Variants in DOCK9 observed in about 807,000 individuals in gnomAD.
DOCK9 encodes the protein dedicator of cytokinesis protein 9.
DOCK9 carries 89 observed loss-of-function variants against 263.3 expected under a neutral mutation model. The observed-to-expected ratio is 0.34, with a 90% CI of 0.28 to 0.40. The LOEUF (loss-of-function observed/expected upper bound fraction) is 0.40, where lower values mean the gene tolerates loss of function less well. Among genes scored for constraint, DOCK9 ranks in the 10% least tolerant of loss-of-function variants. The probability of loss-of-function intolerance (pLI) is 1.00; values close to 1 mark genes in which losing one functional copy is unlikely to be tolerated. For missense variants in DOCK9, 2,140 were observed against 2,603.4 expected (o/e 0.82, Z 3.87); for synonymous variants, 976 against 973.1 (o/e 1.00, Z -0.06).
At chr13:98,966,610 G>T (rs9517514) in intron 1 of DOCK9, among the ~76,000 whole-genome samples, 81,209 of 152,056 alleles carry the variant, frequency 0.53, 21,914 homozygotes, top group East Asian at 0.75. Flanking sequence ...GGCAAGTAAT[G>T]AAGCTAAAAG....
At chr13:99,015,946 C>A in intron 1 of DOCK9, 1 of 250,808 alleles carries the variant, frequency 4.0e-6, no homozygotes. Context: ...TGTGGCTCTA[C>A]TGGAAAACTG....
Position 98,829,661 on chromosome 13 carries a change from G to A in DOCK9, c.4731C>T (p.Asn1577=). ...TACCCACCTTAATAAGCCGGTCACT[G>A]TTGGCACAGTTGTTGATGATGGACA... ...QSLSIINNCA[N]SDRLIKHTSF... Residue 1577 remains asparagine (N), a synonymous_variant, in exon 42 of 53, where the codon AAC becomes AAT. Coordinates refer to ENST00000682017, the MANE Select transcript of DOCK9 (RefSeq NM_001366683.2). The surrounding 1 kb of genome is among the most constrained non-coding windows in gnomAD (Gnocchi z 4.1). 6.2e-7 allele frequency: 1 copy of A among 1,606,760 alleles called. No individual in the cohort carries two copies. Among genetic ancestry groups the A allele is most frequent in the Non-Finnish European group, 8.5e-7 (1 of 1,176,464 alleles).
At chr13:98,919,200 C>T (rs2051432672) in intron 7 of DOCK9, among the ~76,000 whole-genome samples, 1 of 151,800 alleles carries the variant, frequency 6.6e-6, no homozygotes, top group South Asian at 2.1e-4. Context: ...ACCTCCGCCT[C>T]CCAGGTTCAA....
chr13:99,030,338 T>G (rs759808281), intron 1 of DOCK9, among the ~76,000 whole-genome samples: 3 of 152,212 alleles, frequency 2.0e-5, no homozygotes, highest in Non-Finnish European at 4.4e-5. Flanking sequence ...TGCACTGACA[T>G]ACAAAAATGG....
intron 1 of DOCK9, among the ~76,000 whole-genome samples, chr13:99,053,659 T>C (rs2040800816): frequency 6.6e-6 from 1 of 151,884 alleles, no homozygotes; most frequent in South Asian, 2.1e-4. Flanking sequence ...GGGAACCAGG[T>C]TTCAGTAACT....
intron 27 of DOCK9, among the ~76,000 whole-genome samples, chr13:98,869,576 G>A (rs371734589): frequency 2.0e-5 from 3 of 152,204 alleles, no homozygotes; most frequent in Admixed American, 6.5e-5. Context: ...AGCCACAAGA[G>A]GGGGGTATTT....
intron 1 of DOCK9, among the ~76,000 whole-genome samples, chr13:98,969,623 G>A (rs985111122): frequency 6.6e-6 from 1 of 152,218 alleles, no homozygotes; most frequent in African/African-American, 2.4e-5. Context: ...CTGGAACAAC[G>A]ACGCCATGAT....
In DOCK9 at chr13:98,925,840, G is replaced by A. The variant is rs375741398; in HGVS notation, c.413C>T (p.Pro138Leu). The A allele has an allele frequency of 5.8e-5, 91 of 1,562,334 alleles. No individual in the cohort carries two copies. The highest frequency in any genetic ancestry group is 8.1e-5 in the African/African-American group (6 of 73,734). The change falls in exon 4 of 53, where the codon CCG (proline) becomes CTG (leucine). Residue 138 changes from proline to leucine, a missense_variant. Physicochemically the swap from Pro to Leu is moderately conservative, Grantham distance 98. Coordinates refer to ENST00000682017, the MANE Select transcript of DOCK9 (RefSeq NM_001366683.2). ...EDYSGEFRQL[P>L]NKVVKLDKLP... ...GTGTATAATATAGCTTACTCACTTC[G>A]GAAGCTGTCGAAACTCTCCTGAGTA...
chr13:99,019,483 A>G (rs1457787693), intron 1 of DOCK9, among the ~76,000 whole-genome samples: 2 of 152,054 alleles, frequency 1.3e-5, no homozygotes, highest in Non-Finnish European at 2.9e-5. Flanking sequence ...GGCAGAGAGG[A>G]AAGTCCAGGT....
chr13:98,921,321 G>A (rs530877403), intron 6 of DOCK9, among the ~76,000 whole-genome samples: 13 of 152,236 alleles, frequency 8.5e-5, no homozygotes, highest in Non-Finnish European at 1.3e-4. Flanking sequence ...TCTCACCCAC[G>A]GAATCAGAGA....
chr13:98,860,315 C>T (rs373024706), intron 33 of DOCK9, 90 bp downstream of exon 33: 1 of 1,532,964 alleles, frequency 6.5e-7, no homozygotes, highest in East Asian at 2.5e-5. Flanking sequence ...AAGGTCCTAC[C>T]ACACAAGTGT....
At chr13:98,883,922 A>T (rs2045260682) in intron 21 of DOCK9, 23 bp from the exon 22 acceptor site, 1 of 1,542,244 alleles carries the variant, frequency 6.5e-7, no homozygotes, top group African/African-American at 1.4e-5. Flanking sequence ...TGGAAGAAAC[A>T]ATATCCCTAC....
intron 27 of DOCK9, among the ~76,000 whole-genome samples, chr13:98,872,683 G>C (rs2094219324): frequency 6.6e-6 from 1 of 152,178 alleles, no homozygotes; most frequent in Non-Finnish European, 1.5e-5. Context: ...TGGGATTACA[G>C]ATGTGAACCA....
intron 1 of DOCK9, 52 bp downstream of exon 1, chr13:98,977,732 A>G: frequency 6.3e-7 from 1 of 1,579,992 alleles, no homozygotes; most frequent in Non-Finnish European, 8.6e-7. Context: ...CACGCACAAT[A>G]AGAACCCAGC....
At chr13:98,853,975 A>C (rs59827028) in intron 34 of DOCK9, among the ~76,000 whole-genome samples, 13,993 of 152,182 alleles carry the variant, frequency 0.092, 1,742 homozygotes, top group African/African-American at 0.28. Flanking sequence ...GCTGTGACCA[A>C]AGCACCCCAG....
At chr13:98,809,247 CAG>C (rs772850556) in intron 47 of DOCK9, 103 bp downstream of exon 47, 91 of 1,248,470 alleles carry the variant, frequency 7.3e-5, no homozygotes, top group Non-Finnish European at 9.1e-5. Context: ...TTACAGAAAA[CAG>C]AGAATTTATA....
intron 2 of DOCK9, among the ~76,000 whole-genome samples, chr13:98,933,752 A>G (rs1383507654): frequency 6.6e-6 from 1 of 152,228 alleles, no homozygotes; most frequent in Non-Finnish European, 1.5e-5. Flanking sequence ...TCGTCTATGC[A>G]TAGTGCTCTG....
chr13:98,961,736 G>A (rs921457222), intron 1 of DOCK9, among the ~76,000 whole-genome samples: 4 of 151,850 alleles, frequency 2.6e-5, no homozygotes, highest in African/African-American at 9.7e-5. Flanking sequence ...AGGCCCCAGG[G>A]ACACGTCCTG....
At position 98,829,200 on chromosome 13, in the gene DOCK9, T is replaced by C. The variant is rs903925152; in HGVS notation, c.4965+107A>G. On this transcript the variant is annotated intron_variant, in intron 43 of 52. Transcript: ENST00000682017. This position sits in a 1 kb window ranked among gnomAD's most constrained non-coding sequence, Gnocchi z 4.1. ...TGTTTAAAGTTTTGCATACTTTTAA[T>C]TGGTTTTTGATTAATGGAATAACTT... 24 of 1,012,992 alleles carry C rather than the reference T, an allele frequency of 2.4e-5. No homozygotes were observed. The Admixed American group carries it at 5.7e-4, about 24-fold the overall frequency. 62.8% of individuals were successfully genotyped at this position (1,012,992 alleles called of 1,614,324 possible).
Sources: allele counts gnomAD v4.1 joint callset (sites outside exome capture counted in the v4.1 genomes callset), GRCh38; gene constraint gnomAD v4.1.1; non-coding constraint Gnocchi (gnomAD v3.1); transcripts MANE v1.5; gene names NCBI Gene and HGNC (gene_info 2026-07-23, HGNC 2026-07-21).